CYP20A1: variants seen among roughly 807,000 people sequenced by gnomAD.
CYP20A1 encodes cytochrome P450 family 20 subfamily A member 1.
In CYP20A1, 61 loss-of-function variants were observed where a neutral mutation model predicts 61.4. The ratio of observed to expected loss-of-function variants is 0.99; its 90% confidence interval spans 0.81 to 1.23. The LOEUF (loss-of-function observed/expected upper bound fraction) is 1.23. Among genes scored for constraint, CYP20A1 ranks in the 50% most tolerant of loss-of-function variants. The pLI is 0.00. For missense variants in CYP20A1, 530 were observed against 542.4 expected, an observed-to-expected ratio of 0.98 and a Z score of 0.23; for synonymous variants, 193 against 188.2, an observed-to-expected ratio of 1.03 and a Z score of -0.21.
intron 5 of CYP20A1, among the ~76,000 whole-genome samples, chr2:203,271,834 G>A (rs552959429): frequency 3.9e-5 from 6 of 152,048 alleles, no homozygotes; most frequent in Non-Finnish European, 7.4e-5. Context: ...TCAGGAGTTC[G>A]AGACCAGTCT....
At chr2:203,241,090 T>G (rs2066238203) in intron 1 of CYP20A1, among the ~76,000 whole-genome samples, 1 of 152,124 alleles carries the variant, frequency 6.6e-6, no homozygotes, top group African/African-American at 2.4e-5. Context: ...GATTTCCCAG[T>G]GGATTGGATG....
intron 11 of CYP20A1, 62 bp downstream of exon 11, chr2:203,292,388 C>A: frequency 8.4e-7 from 1 of 1,193,112 alleles, no homozygotes; most frequent in South Asian, 1.2e-5. Context: ...GTTTTGCATT[C>A]CTTTCCTAAC....
chr2:203,239,212 C>T (rs114801571), intron 1 of CYP20A1, 78 bp downstream of exon 1: 4 of 1,247,192 alleles, frequency 3.2e-6, no homozygotes, highest in African/African-American at 2.9e-5. Context: ...CCAACCTGCC[C>T]GCTGCGGGCC....
intron 4 of CYP20A1, among the ~76,000 whole-genome samples, chr2:203,260,956 T>C (rs1429603627): frequency 1.3e-5 from 2 of 152,230 alleles, no homozygotes; most frequent in Non-Finnish European, 2.9e-5. Flanking sequence ...TCTCTCTCTC[T>C]CTTTTTTCTT....
At chr2:203,276,603 G>C (rs1380803154) in intron 6 of CYP20A1, among the ~76,000 whole-genome samples, 1 of 152,138 alleles carries the variant, frequency 6.6e-6, no homozygotes, top group East Asian at 1.9e-4. Flanking sequence ...GGGTATAAGG[G>C]AGAGGGAGAC....
In CYP20A1 at chr2:203,304,983, G is replaced by C. The variant is rs764252188; in HGVS notation, c.*8075G>C. ...CATATACCTTTATTACTTCATTTTT[G>C]TAAGAGCTTCAGGGAATAGGCTTTT... On this transcript the variant is annotated 3_prime_UTR_variant, in exon 13 of 13. Coordinates refer to ENST00000356079, the MANE Select transcript of CYP20A1 (RefSeq NM_177538.3). 6.6e-6 allele frequency among the ~76,000 whole-genome samples: 1 copy of C among 152,024 alleles called. No homozygotes were observed. Among genetic ancestry groups the C allele is most frequent in the Non-Finnish European group, 1.5e-5 (1 of 68,014 alleles).
intron 11 of CYP20A1, among the ~76,000 whole-genome samples, chr2:203,293,362 C>T (rs1053399781): frequency 1.3e-5 from 2 of 150,632 alleles, no homozygotes; most frequent in African/African-American, 4.9e-5. Context: ...ACTACAGGCA[C>T]CCGCCACCAC....
rs992884562 is a variant in CYP20A1, at chr2:203,298,682, C to T, written c.*1774C>T. ...CACCACTGCACTCCAGCCTGGGTGT[C>T]GAGTGAAACTCATTCTCAAAAAAAA... On this transcript the variant is annotated 3_prime_UTR_variant, in exon 13 of 13. Coordinates refer to ENST00000356079, the MANE Select transcript of CYP20A1 (RefSeq NM_177538.3). Among the ~76,000 whole-genome samples, 2 of 139,822 alleles carry T rather than the reference C, an allele frequency of 1.4e-5. No individual in the cohort carries two copies. Among genetic ancestry groups the T allele is most frequent in the African/African-American group, 5.4e-5 (2 of 37,142 alleles). The allele number at this position is 139,822 out of a possible 152,430, so 91.7% of individuals were successfully genotyped here.
At chr2:203,289,929 T>G (rs1242675241) in intron 10 of CYP20A1, 53 bp downstream of exon 10, 47 of 752,724 alleles carry the variant, frequency 6.2e-5, no homozygotes, top group Non-Finnish European at 8.5e-5. Flanking sequence ...ACTCTTTTGG[T>G]GTGTGTGTGT....
chr2:203,274,645 G>A (rs978216111), intron 6 of CYP20A1, among the ~76,000 whole-genome samples: 1 of 151,858 alleles, frequency 6.6e-6, no homozygotes, highest in East Asian at 1.9e-4. Context: ...ATTTATTGAG[G>A]CTGTGCTAGG....
chr2:203,290,664 A>G (rs960906403), intron 10 of CYP20A1, among the ~76,000 whole-genome samples: 2 of 152,088 alleles, frequency 1.3e-5, no homozygotes, highest in South Asian at 2.1e-4. Flanking sequence ...ATTTTTTGAG[A>G]CAGAGTATCA....
rs189205861 is a variant in CYP20A1, at chr2:203,295,677, G to A, written c.1149-797G>A. Among the ~76,000 whole-genome samples the A allele has an allele frequency of 1.8e-4, 27 of 152,256 alleles. 1 individual carries two copies. The East Asian group carries it at 2.5e-3, about 14-fold the overall frequency. On this transcript the variant is annotated intron_variant, in intron 11 of 12. Coordinates refer to ENST00000356079, the MANE Select transcript of CYP20A1 (RefSeq NM_177538.3). Reference sequence around the variant, plus strand: ...GAAATAATAAAGTAGGCCGGGTGCCGTGGCTCATACCTATAATCCCAGCAC... The same window carrying A: ...GAAATAATAAAGTAGGCCGGGTGCCATGGCTCATACCTATAATCCCAGCAC...
chr2:203,277,151 A>G (rs1028573031), intron 6 of CYP20A1, among the ~76,000 whole-genome samples: 6 of 151,946 alleles, frequency 3.9e-5, no homozygotes, highest in South Asian at 2.1e-4. Flanking sequence ...GATGGAGACC[A>G]TCCTGGCTAA....
intron 3 of CYP20A1, among the ~76,000 whole-genome samples, chr2:203,248,053 C>A (rs375475463): frequency 1.3e-5 from 2 of 152,028 alleles, no homozygotes; most frequent in Admixed American, 6.6e-5. Context: ...TAGTGAGACC[C>A]CATTGCTACA....
intron 6 of CYP20A1, 98 bp from the exon 7 acceptor site, chr2:203,278,475 G>A: frequency 2.0e-6 from 1 of 499,628 alleles, no homozygotes; most frequent in South Asian, 5.0e-5. Flanking sequence ...TAACTTTGAA[G>A]GTTTTCTTCA....
intron 11 of CYP20A1, among the ~76,000 whole-genome samples, chr2:203,293,339 C>A (rs1321959242): frequency 1.3e-5 from 2 of 150,310 alleles, no homozygotes; most frequent in African/African-American, 4.9e-5. Context: ...CCTCAGCCGC[C>A]TCAGTAGCTG....
intron 6 of CYP20A1, among the ~76,000 whole-genome samples, chr2:203,274,564 A>C (rs2067736403): frequency 6.6e-6 from 1 of 152,164 alleles, no homozygotes; most frequent in South Asian, 2.1e-4. Flanking sequence ...GCTGCATTAG[A>C]ATACTGGATT....
intron 3 of CYP20A1, among the ~76,000 whole-genome samples, chr2:203,247,766 A>T (rs751771955): frequency 1.3e-5 from 2 of 152,146 alleles, no homozygotes; most frequent in Non-Finnish European, 2.9e-5. Context: ...CTGAGGCAAG[A>T]GAATTGCTTG....
chr2:203,277,389 G>T (rs939942191), intron 6 of CYP20A1, among the ~76,000 whole-genome samples: 4 of 151,252 alleles, frequency 2.6e-5, no homozygotes, highest in Non-Finnish European at 5.9e-5. Context: ...TGGAGAATAC[G>T]TTATCAACAT....
Sources: allele counts gnomAD v4.1 joint callset (sites outside exome capture counted in the v4.1 genomes callset), GRCh38; gene constraint gnomAD v4.1.1; transcripts MANE v1.5; gene names NCBI Gene and HGNC (gene_info 2026-07-23, HGNC 2026-07-21).